RANBP2: variants seen among roughly 807,000 people sequenced by gnomAD.
RANBP2 encodes RAN binding protein 2.
RANBP2 carries 57 observed loss-of-function variants against 303.6 expected under a neutral mutation model. The observed-to-expected ratio is 0.19, with a 90% CI of 0.15 to 0.23. The LOEUF is 0.23. Ranked by LOEUF, RANBP2 falls within the 10% of genes least tolerant of loss-of-function variation. The probability of loss-of-function intolerance (pLI) is 1.00; values close to 1 mark genes in which losing one functional copy is unlikely to be tolerated. For missense variants in RANBP2, 3,138 were observed against 3,780.8 expected (o/e 0.83, Z 4.46); for synonymous variants, 1,167 against 1,301.5 (o/e 0.90, Z 2.23).
the RANBP2 span, among the ~76,000 whole-genome samples, chr2:109,704,161 T>G: frequency 6.6e-6 from 1 of 152,172 alleles, no homozygotes; most frequent in African/African-American, 2.4e-5. Flanking sequence ...AAACCCCTTT[T>G]TAGTGAGCCT....
downstream of RANBP2, chr2:108,787,037 C>T (rs993189974): frequency 7.8e-5 from 41 of 525,328 alleles, no homozygotes; most frequent in Non-Finnish European, 1.1e-4. Flanking sequence ...GCACTCCCGC[C>T]GTGGCTGCGG....
the RANBP2 span, among the ~76,000 whole-genome samples, chr2:109,108,944 C>A: frequency 6.6e-6 from 1 of 152,186 alleles, no homozygotes; most frequent in African/African-American, 2.4e-5. Context: ...CCCTCTGTGT[C>A]GGGATGTGAT....
chr2:109,168,576 C>A, the RANBP2 span, among the ~76,000 whole-genome samples: 1 of 152,326 alleles, frequency 6.6e-6, no homozygotes, highest in South Asian at 2.1e-4. Flanking sequence ...AATCTTCGGA[C>A]TGTAATGTTG....
At chr2:109,439,709 A>G in the RANBP2 span, among the ~76,000 whole-genome samples, 1 of 152,170 alleles carries the variant, frequency 6.6e-6, no homozygotes, top group Non-Finnish European at 1.5e-5. Context: ...GTAAGAGCCC[A>G]GCATAGCCAT....
the RANBP2 span, among the ~76,000 whole-genome samples, chr2:108,844,851 G>A: frequency 6.6e-6 from 1 of 151,088 alleles, no homozygotes; most frequent in Non-Finnish European, 1.5e-5. Flanking sequence ...AGGTTCAAGC[G>A]ATTCTCCTGC....
At chr2:109,510,187 G>A in the RANBP2 span, among the ~76,000 whole-genome samples, 1 of 152,246 alleles carries the variant, frequency 6.6e-6, no homozygotes, top group Non-Finnish European at 1.5e-5. Flanking sequence ...AGCAGGTGTG[G>A]AGGAGAGGGC....
chr2:108,957,241 C>T, the RANBP2 span, among the ~76,000 whole-genome samples: 1 of 152,248 alleles, frequency 6.6e-6, no homozygotes, highest in South Asian at 2.1e-4. Context: ...TGGTGGGCTC[C>T]CAGGTGGCTG....
At chr2:109,458,917 G>A in the RANBP2 span, among the ~76,000 whole-genome samples, 7 of 152,180 alleles carry the variant, frequency 4.6e-5, no homozygotes, top group African/African-American at 1.7e-4. Context: ...TACCTGCCTA[G>A]CCACACTGAC....
At chr2:108,769,070 C>A (rs1310080529) in intron 20 of RANBP2, among the ~76,000 whole-genome samples, 4 of 151,806 alleles carry the variant, frequency 2.6e-5, no homozygotes, top group Non-Finnish European at 4.4e-5. Context: ...GAGATGTTCT[C>A]ATTTTATATG....
chr2:109,511,233 G>T, the RANBP2 span, among the ~76,000 whole-genome samples: 1 of 152,178 alleles, frequency 6.6e-6, no homozygotes, highest in Non-Finnish European at 1.5e-5. Context: ...ATTGACACTT[G>T]TCCCTGTCTG....
the RANBP2 span, among the ~76,000 whole-genome samples, chr2:109,117,737 G>GGGAGCTGTAGACA: frequency 1.2e-4 from 12 of 98,134 alleles, no homozygotes; most frequent in Admixed American, 1.4e-4. Context: ...CGCTCACGTT[G>GGGAGCTGTAGACA]GGAGCTGTAG....
chr2:109,551,288 G>A, the RANBP2 span, among the ~76,000 whole-genome samples: 2 of 152,162 alleles, frequency 1.3e-5, no homozygotes, highest in Non-Finnish European at 2.9e-5. Context: ...AACAATATTG[G>A]CAAGGACATA....
At chr2:108,843,236 C>T in the RANBP2 span, among the ~76,000 whole-genome samples, 1 of 152,200 alleles carries the variant, frequency 6.6e-6, no homozygotes. Flanking sequence ...TGGCTCACTG[C>T]AACCTCCGTC....
chr2:109,446,380 C>A, the RANBP2 span, among the ~76,000 whole-genome samples: 2 of 152,230 alleles, frequency 1.3e-5, no homozygotes, highest in Non-Finnish European at 2.9e-5. Context: ...CATGTCCCCA[C>A]CTCATGGAGC....
the RANBP2 span, among the ~76,000 whole-genome samples, chr2:109,377,722 G>A: frequency 6.6e-6 from 1 of 152,210 alleles, no homozygotes; most frequent in South Asian, 2.1e-4. Flanking sequence ...TCAGCACAAT[G>A]ATGATAGCGT....
the RANBP2 span, among the ~76,000 whole-genome samples, chr2:109,504,854 C>A: frequency 1.8e-3 from 279 of 152,320 alleles, 1 homozygote; most frequent in African/African-American, 6.6e-3. Flanking sequence ...CTGTACCCAG[C>A]ACATGCCAGA....
chr2:108,798,816 T>TACACACACAC, the RANBP2 span, among the ~76,000 whole-genome samples: 512 of 131,624 alleles, frequency 3.9e-3, 4 homozygotes, highest in East Asian at 0.019. Flanking sequence ...TCTCCACACC[T>TACACACACAC]ACACACACAC....
At chr2:108,745,768 A>G (rs1696461567) in intron 7 of RANBP2, among the ~76,000 whole-genome samples, 1 of 152,132 alleles carries the variant, frequency 6.6e-6, no homozygotes, top group Middle Eastern at 3.2e-3. Flanking sequence ...ATATCTACTC[A>G]AATAGGACAA....
At chr2:109,494,312 A>T in the RANBP2 span, among the ~76,000 whole-genome samples, 1 of 152,158 alleles carries the variant, frequency 6.6e-6, no homozygotes, top group Non-Finnish European at 1.5e-5. Flanking sequence ...CTTGCACCCA[A>T]GCACTCTGTA....
Sources: gnomAD v4.1 joint callset for allele counts (sites outside exome capture counted in the v4.1 genomes callset) on GRCh38, gnomAD v4.1.1 for gene constraint, MANE v1.5 for transcripts, NCBI Gene and HGNC (gene_info 2026-07-23, HGNC 2026-07-21) for gene names.